Variants in GTF2I observed in about 807,000 individuals in gnomAD.
GTF2I encodes general transcription factor IIi, also known as general transcription factor II-I.
Under a neutral mutation model 67.6 loss-of-function variants are expected in GTF2I, and 12 were observed. The observed-to-expected ratio is 0.18, with a 90% CI of 0.11 to 0.29. The LOEUF is 0.29. GTF2I is among the 10% of genes least tolerant of loss of function. The pLI, the probability that GTF2I is intolerant of heterozygous loss-of-function variation, is 1.00. For synonymous variants in GTF2I, 149 were observed against 197.0 expected (o/e 0.76, Z 2.04); for missense variants, 271 against 580.1 (o/e 0.47, Z 5.47).
At chr7:74,684,531 G>A (rs1787524225) in intron 1 of GTF2I, 1 of 152,274 alleles carries the variant, frequency 6.6e-6, no homozygotes, top group African/African-American at 2.4e-5. Flanking sequence ...GGAGAAAAGA[G>A]AGCCGTCCCC....
intron 9 of GTF2I, among the ~76,000 whole-genome samples, chr7:74,711,410 A>G (rs587726834): frequency 6.6e-6 from 1 of 152,350 alleles, no homozygotes; most frequent in East Asian, 1.9e-4. Context: ...CAAACCTATT[A>G]GGCAAATGCA....
At chr7:74,667,677 G>A (rs948622596) in intron 1 of GTF2I, among the ~76,000 whole-genome samples, 8 of 150,620 alleles carry the variant, frequency 5.3e-5, no homozygotes, top group African/African-American at 2.0e-4. Context: ...CACCACGTCT[G>A]GCTTGATTTT....
intron 1 of GTF2I, among the ~76,000 whole-genome samples, chr7:74,684,158 A>C (rs148848907): frequency 6.6e-6 from 1 of 152,160 alleles, no homozygotes. Flanking sequence ...TGTGTAGTCC[A>C]TGTTGCCTGC....
chr7:74,732,742 C>T, intron 15 of GTF2I, 80 bp downstream of exon 15: 2 of 1,538,528 alleles, frequency 1.3e-6, no homozygotes, highest in Middle Eastern at 2.4e-4. Context: ...AATATTCATT[C>T]ACCACTAGGT....
chr7:74,697,853 C>G (rs1191180785), intron 3 of GTF2I, among the ~76,000 whole-genome samples: 1 of 152,174 alleles, frequency 6.6e-6, no homozygotes, highest in Non-Finnish European at 1.5e-5. Context: ...ACTGCACCCT[C>G]CACCTCCCGG....
Position 74,700,623 on chromosome 7 carries a change from A to AGGG in GTF2I, c.576_577insGGG (p.Lys192_Lys193insGly). ...TAATGCAGACCTTTTTTAGAGCCAA[A>AGGG]GAAGCATGTAGGTAAGTAAGTGCTT... On this transcript the variant is annotated inframe_insertion, in exon 6 of 35. Transcript: ENST00000573035. 6.2e-7 allele frequency: 1 copy of AGGG among 1,614,108 alleles called. No individual in the cohort carries two copies. Among genetic ancestry groups the AGGG allele is most frequent in the South Asian group, 1.1e-5 (1 of 91,084 alleles).
chr7:74,695,826 C>T (rs1788835900), intron 3 of GTF2I, among the ~76,000 whole-genome samples: 1 of 152,058 alleles, frequency 6.6e-6, no homozygotes, highest in Admixed American at 6.6e-5. Context: ...CTGCTGTCTG[C>T]CCCACCAATA....
At chr7:74,706,269 A>C (rs1235269661) in intron 7 of GTF2I, 121 bp from the exon 8 acceptor site, 3 of 735,742 alleles carry the variant, frequency 4.1e-6, no homozygotes, top group Non-Finnish European at 7.2e-6. Flanking sequence ...AAGCTGAGTC[A>C]GGTTTGCACC....
chr7:74,721,592 T>A (rs1279050721), intron 12 of GTF2I, among the ~76,000 whole-genome samples: 1 of 151,962 alleles, frequency 6.6e-6, no homozygotes. Flanking sequence ...ATTAAATTCC[T>A]CATTTTTTTA....
At chr7:74,705,917 AAGAT>A (rs1562964158) in intron 7 of GTF2I, among the ~76,000 whole-genome samples, 1 of 151,028 alleles carries the variant, frequency 6.6e-6, no homozygotes, top group Non-Finnish European at 1.5e-5. Flanking sequence ...TTTTCCCCAA[AAGAT>A]AGATAGAAAT....
chr7:74,686,196 A>T (rs1197690409), intron 1 of GTF2I, among the ~76,000 whole-genome samples: 1 of 152,144 alleles, frequency 6.6e-6, no homozygotes, highest in African/African-American at 2.4e-5. Context: ...GGACACAGAA[A>T]AAGTGGGGGT....
chr7:74,704,035 T>C (rs1332955408), intron 6 of GTF2I, among the ~76,000 whole-genome samples: 1 of 152,174 alleles, frequency 6.6e-6, no homozygotes, highest in African/African-American at 2.4e-5. Context: ...CTTTGCAATC[T>C]AAGTGCCTCT....
At chr7:74,676,361 T>C (rs1443161353) in intron 1 of GTF2I, among the ~76,000 whole-genome samples, 1 of 152,186 alleles carries the variant, frequency 6.6e-6, no homozygotes, top group Admixed American at 6.6e-5. Flanking sequence ...CAGATGCCTG[T>C]AGTCCCAGCT....
At chr7:74,681,259 A>AC (rs1334486175) in intron 1 of GTF2I, among the ~76,000 whole-genome samples, 1 of 151,934 alleles carries the variant, frequency 6.6e-6, no homozygotes, top group Non-Finnish European at 1.5e-5. Flanking sequence ...ACATGACGAA[A>AC]CCCCATCTCT....
At chr7:74,709,971 C>T (rs1554402208) in intron 8 of GTF2I, among the ~76,000 whole-genome samples, 1 of 152,224 alleles carries the variant, frequency 6.6e-6, no homozygotes, top group Non-Finnish European at 1.5e-5. Flanking sequence ...CCGCACCTGG[C>T]TGTTAGCTGT....
chr7:74,714,858 A>G lies in GTF2I; in HGVS notation c.765A>G (p.Ala255=). Residue 255 remains alanine, a splice_region_variant and synonymous_variant, in exon 10 of 35, where the codon GCA becomes GCG. Transcript: ENST00000573035. ...DPDYYQYNIQ[A]GPSETDDVDE... Reference sequence around the variant, plus strand: ...AAGTATTATCTTTGTATCCCAAAGCAGGCCCTTCTGAAACTGATGATGTTG... The same window carrying G: ...AAGTATTATCTTTGTATCCCAAAGCGGGCCCTTCTGAAACTGATGATGTTG... 6.2e-7 allele frequency: 1 copy of G among 1,601,730 alleles called. No individual in the cohort carries two copies. The highest frequency in any genetic ancestry group is 2.2e-5 in the East Asian group (1 of 44,550).
At chr7:74,685,365 C>T (rs1554395166) in intron 1 of GTF2I, among the ~76,000 whole-genome samples, 3 of 152,112 alleles carry the variant, frequency 2.0e-5, no homozygotes, top group South Asian at 2.1e-4. Flanking sequence ...GGTGTGGTGG[C>T]AGTTACCTGT....
At chr7:74,703,341 G>A (rs782248561) in intron 6 of GTF2I, among the ~76,000 whole-genome samples, 18 of 151,362 alleles carry the variant, frequency 1.2e-4, no homozygotes, top group Admixed American at 2.0e-4. Flanking sequence ...AGGCACAAAC[G>A]TTTTAAATTT....
chr7:74,684,100 G>C (rs1459403143), intron 1 of GTF2I, among the ~76,000 whole-genome samples: 1 of 152,154 alleles, frequency 6.6e-6, no homozygotes, highest in East Asian at 1.9e-4. Flanking sequence ...CCTGGCTCAG[G>C]TGGCTTCTGG....
Sources: allele counts gnomAD v4.1 joint callset (sites outside exome capture counted in the v4.1 genomes callset), GRCh38; gene constraint gnomAD v4.1.1; transcripts MANE v1.5; gene names NCBI Gene and HGNC (gene_info 2026-07-23, HGNC 2026-07-21).